PCNT: variants seen among roughly 807,000 people sequenced by gnomAD.
The protein encoded by PCNT is kendrin.
In PCNT, 319 loss-of-function variants were observed where a neutral mutation model predicts 380.4. That is an observed-to-expected ratio of 0.84 (90% CI 0.77 to 0.92). PCNT has a LOEUF of 0.92. PCNT is among the 40% of genes least tolerant of loss of function. The pLI, the probability that PCNT is intolerant of heterozygous loss-of-function variation, is 0.00. For synonymous variants in PCNT, 1,845 were observed against 1,735.2 expected, an observed-to-expected ratio of 1.06 and a Z score of -1.57; for missense variants, 4,400 against 4,255.3, an observed-to-expected ratio of 1.03 and a Z score of -0.95.
chr21:46,424,735 C>T (rs2087421626), intron 32 of PCNT, among the ~76,000 whole-genome samples: 1 of 131,678 alleles, frequency 7.6e-6, no homozygotes, highest in African/African-American at 2.7e-5. Context: ...CCCTGCTCCC[C>T]CAGCCACGGC....
chr21:46,359,930 C>T (rs1290145884), intron 13 of PCNT, among the ~76,000 whole-genome samples: 3 of 150,642 alleles, frequency 2.0e-5, no homozygotes, highest in Non-Finnish European at 4.4e-5. Flanking sequence ...AGTCTTGGCT[C>T]ACTGCAACCT....
chr21:46,379,201 T>C (rs2085427410), intron 15 of PCNT, among the ~76,000 whole-genome samples: 1 of 152,240 alleles, frequency 6.6e-6, no homozygotes, highest in African/African-American at 2.4e-5. Context: ...CAGTGCTGCG[T>C]GGGCTCTCCG....
In PCNT at chr21:46,430,545, C is replaced by T. The variant is rs774021501; in HGVS notation, c.7952C>T (p.Ala2651Val). 7.1e-6 allele frequency: 11 copies of T among 1,555,224 alleles called. No individual in the cohort carries two copies. The highest frequency in any genetic ancestry group is 1.9e-5 in the Admixed American group (1 of 51,592). ...LSSKENELKAALQELESEQGK... is the reference protein window; with the variant it reads ...LSSKENELKAVLQELESEQGK... Reference sequence around the variant, plus strand: ...AGTAAGGAGAACGAGCTGAAGGCCGCGCTTCAGGAGCTGGAGAGTGAGCAG... The same window carrying T: ...AGTAAGGAGAACGAGCTGAAGGCCGTGCTTCAGGAGCTGGAGAGTGAGCAG... Residue 2651 changes from alanine to valine, a missense_variant, in exon 37 of 47, where the codon GCG becomes GTG. Coordinates refer to ENST00000359568, the MANE Select transcript of PCNT (RefSeq NM_006031.6).
At chr21:46,347,127 G>C in intron 5 of PCNT, 129 bp downstream of exon 5, 1 of 1,199,210 alleles carries the variant, frequency 8.3e-7, no homozygotes, top group Non-Finnish European at 1.2e-6. Flanking sequence ...TCAGCACCTT[G>C]CCTGGTGTCT....
In PCNT at chr21:46,411,600, G is replaced by GC. The variant is rs1235834888; in HGVS notation, c.5530dup (p.Leu1844ProfsTer5). 6.2e-7 allele frequency: 1 copy of GC among 1,612,948 alleles called. No homozygotes were observed. The highest frequency in any genetic ancestry group is 8.5e-7 in the Non-Finnish European group (1 of 1,179,860). ...GCTGGCTGAGCTGGAGCGCAATGTA[G>GC]CCCTCAGGGAGGCTGAGGTCGAAGA... On this transcript the variant is annotated frameshift_variant, in exon 28 of 47. Coordinates refer to ENST00000359568, the MANE Select transcript of PCNT (RefSeq NM_006031.6). LOFTEE classifies it high-confidence loss of function.
At chr21:46,433,239 C>T (rs191096197) in intron 38 of PCNT, among the ~76,000 whole-genome samples, 57 of 152,216 alleles carry the variant, frequency 3.7e-4, no homozygotes, top group Non-Finnish European at 6.8e-4. Flanking sequence ...AAAAATTAGC[C>T]GGGCATGGTA....
intron 44 of PCNT, 32 bp from the exon 45 acceptor site, chr21:46,443,778 A>G: frequency 6.2e-7 from 1 of 1,611,932 alleles, no homozygotes; most frequent in Non-Finnish European, 8.5e-7. Context: ...TTATTTTCCT[A>G]ATCCCTTGGT....
At position 46,334,743 on chromosome 21, in the gene PCNT, C is replaced by T; in HGVS notation, c.614C>T (p.Ala205Val). 1 of 1,614,198 alleles carries T rather than the reference C, an allele frequency of 6.2e-7. No individual in the cohort carries two copies. The highest frequency in any genetic ancestry group is 8.5e-7 in the Non-Finnish European group (1 of 1,179,982). Reference protein sequence around the residue: ...RGIFTISDHPAEQRGMFTKEC... With the variant: ...RGIFTISDHPVEQRGMFTKEC... ...ATCTTCACAATCAGTGACCACCCAG[C>T]AGAACAGCGTGGGATGTTCACAAAG... The change falls in exon 3 of 47, where the codon GCA (alanine) becomes GTA (valine). Residue 205 changes from alanine (A) to valine (V), a missense_variant. Ala to Val is a moderately conservative substitution (Grantham distance 64). Transcript: ENST00000359568.
chr21:46,360,748 GA>G (rs2084685070), intron 13 of PCNT, among the ~76,000 whole-genome samples: 1 of 151,524 alleles, frequency 6.6e-6, no homozygotes, highest in South Asian at 2.1e-4. Context: ...TCAATCTCCT[GA>G]CTTCCCGATC....
chr21:46,444,941 C>G lies in PCNT; in HGVS notation c.9967+120C>G. On this transcript the variant is annotated intron_variant, in intron 46 of 46. Transcript: ENST00000359568. ...TAACCAAAGTTTCAGTCTGAACAATCAGTGTCACTAATAGTATTAGAATAG... is the reference window on the plus strand; with the variant it reads ...TAACCAAAGTTTCAGTCTGAACAATGAGTGTCACTAATAGTATTAGAATAG... 3.3e-6 allele frequency: 3 copies of G among 909,072 alleles called. No individual in the cohort carries two copies. In the Admixed American group the frequency reaches 5.4e-5, roughly 16 times the overall value. 56.3% of individuals were successfully genotyped at this position (909,072 alleles called of 1,614,324 possible).
chr21:46,353,290 C>T lies in PCNT; in HGVS notation c.1643C>T (p.Ala548Val), dbSNP rs577992249. ...LTLLQQRLQG[A>V]REDALLDSVE... ...CTGTTACAGCAGAGGCTGCAGGGGG[C>T]GAGGGAAGATGCTCTTCTGGACTCT... Residue 548 changes from alanine to valine, a missense_variant, in exon 10 of 47, where the codon GCG (alanine) becomes GTG (valine). By Grantham distance (64) the Ala-to-Val change is moderately conservative. Transcript: ENST00000359568. The T allele has an allele frequency of 3.5e-5, 56 of 1,614,014 alleles. No individual in the cohort carries two copies. Among genetic ancestry groups the T allele is most frequent in the Non-Finnish European group, 4.5e-5 (53 of 1,179,958 alleles).
At chr21:46,383,804 G>A (rs1490962345) in intron 16 of PCNT, among the ~76,000 whole-genome samples, 5 of 143,152 alleles carry the variant, frequency 3.5e-5, no homozygotes, top group East Asian at 2.3e-4. Context: ...TGGCAGAAGC[G>A]CATTCACGGT....
intron 35 of PCNT, among the ~76,000 whole-genome samples, chr21:46,429,455 G>C: frequency 6.7e-6 from 1 of 150,220 alleles, no homozygotes; most frequent in East Asian, 2.0e-4. Context: ...GCACAGGGGG[G>C]CCGGCACTGT....
At chr21:46,346,722 G>A (rs1457486693) in intron 4 of PCNT, 21 bp from the exon 5 acceptor site, 6 of 1,588,324 alleles carry the variant, frequency 3.8e-6, no homozygotes, top group Middle Eastern at 1.8e-4. Flanking sequence ...GCCCTTATCA[G>A]AGGCCTTTTC....
At chr21:46,386,311 C>T (rs1296407226) in intron 17 of PCNT, among the ~76,000 whole-genome samples, 3 of 152,258 alleles carry the variant, frequency 2.0e-5, no homozygotes, top group East Asian at 3.8e-4. Context: ...TCTGCGTCCC[C>T]GCAGCGTGTC....
chr21:46,411,370 GT>G lies in PCNT; in HGVS notation c.5298del (p.Gln1767ArgfsTer36). 6.2e-7 allele frequency: 1 copy of G among 1,614,066 alleles called. No homozygotes were observed. The highest frequency in any genetic ancestry group is 8.5e-7 in the Non-Finnish European group (1 of 1,180,030). On this transcript the variant is annotated frameshift_variant, in exon 28 of 47. Coordinates refer to ENST00000359568, the MANE Select transcript of PCNT (RefSeq NM_006031.6). LOFTEE classifies it high-confidence loss of function. The stretch of plus-strand genomic sequence containing the variant: ...CCTGTGGTGCACGAAGTCAGCGACA[GT>G]CAGGCTGGCAGTCTGCAGAGCGAGC... ...MGPVVHEVSDSQAGSLQSELL... is the reference protein window; with the variant it reads ...MGPVVHEVSDXQAGSLQSELL...
intron 16 of PCNT, among the ~76,000 whole-genome samples, chr21:46,384,268 A>G (rs1181436074): frequency 6.8e-6 from 1 of 147,634 alleles, no homozygotes; most frequent in African/African-American, 2.5e-5. Context: ...TTGTATATTC[A>G]GTGGCGGAAG....
rs2085904708 is a variant in PCNT, at chr21:46,388,139, G to A, written c.3465-603G>A. Reference sequence around the variant, plus strand: ...GCAGGAGAAAGGCGTGAACCCGGGAGGTGGAGCTTGCAGTGAGCCAAGATC... The same window carrying A: ...GCAGGAGAAAGGCGTGAACCCGGGAAGTGGAGCTTGCAGTGAGCCAAGATC... On this transcript the variant is annotated intron_variant, in intron 17 of 46. Transcript: ENST00000359568. The surrounding 1 kb of genome is among the most constrained non-coding windows in gnomAD (Gnocchi z 4.2). Among the ~76,000 whole-genome samples, 1 of 152,142 alleles carries A rather than the reference G, an allele frequency of 6.6e-6. No individual in the cohort carries two copies. Among genetic ancestry groups the A allele is most frequent in the Non-Finnish European group, 1.5e-5 (1 of 68,002 alleles).
chr21:46,332,096 G>C (rs1353662763), intron 2 of PCNT, among the ~76,000 whole-genome samples: 1 of 152,168 alleles, frequency 6.6e-6, no homozygotes, highest in African/African-American at 2.4e-5. Context: ...GGAGGCAGAG[G>C]TTGCACTGAG....
Sources: allele counts gnomAD v4.1 joint callset (sites outside exome capture counted in the v4.1 genomes callset), GRCh38; gene constraint gnomAD v4.1.1; non-coding constraint Gnocchi (gnomAD v3.1); transcripts MANE v1.5; gene names NCBI Gene and HGNC (gene_info 2026-07-23, HGNC 2026-07-21).